Variants in MARK3 observed in about 807,000 individuals in gnomAD.
MARK3 encodes MAP/microtubule affinity-regulating kinase 3.
A neutral mutation model predicts 90.1 loss-of-function variants in MARK3; 46 were observed. The observed-to-expected ratio is 0.51, with a 90% CI of 0.40 to 0.65. MARK3 has a LOEUF of 0.65. MARK3 is among the 30% of genes least tolerant of loss of function. The probability of loss-of-function intolerance (pLI) is 0.00; values close to 1 mark genes in which losing one functional copy is unlikely to be tolerated. For missense variants in MARK3, 818 were observed against 947.2 expected (o/e 0.86, Z 1.79); for synonymous variants, 321 against 332.6 (o/e 0.97, Z 0.38).
At chr14:103,428,314 C>T in intron 2 of MARK3, 73 bp from the exon 3 acceptor site, 1 of 749,606 alleles carries the variant, frequency 1.3e-6, no homozygotes, top group South Asian at 1.9e-5. Context: ...TTCTTAATGC[C>T]ATATATCTTG....
chr14:103,451,801 G>A (rs2093152703), intron 4 of MARK3, 117 bp from the exon 5 acceptor site: 1 of 647,174 alleles, frequency 1.5e-6, no homozygotes, highest in South Asian at 2.2e-5. Context: ...TAGAGGGCCA[G>A]CTATTAAAAT....
chr14:103,484,163 C>CTTTTTTTTTTTTT (rs34512580), intron 14 of MARK3, among the ~76,000 whole-genome samples: 2 of 146,270 alleles, frequency 1.4e-5, no homozygotes, highest in Non-Finnish European at 1.5e-5. Context: ...AGAATCTTTT[C>CTTTTTTTTTTTTT]TTTTTTTTTT....
intron 14 of MARK3, among the ~76,000 whole-genome samples, chr14:103,487,279 C>G (rs2141963211): frequency 6.6e-6 from 1 of 151,500 alleles, no homozygotes; most frequent in East Asian, 2.0e-4. Context: ...TGCCTAAGCT[C>G]AGGAGTTCCA....
Position 103,405,093 on chromosome 14 carries a change from T to C in MARK3, c.69T>C (p.Asp23=), listed in dbSNP as rs941711373. 8 of 1,613,892 alleles carry C rather than the reference T, an allele frequency of 5.0e-6. No individual in the cohort carries two copies. The highest frequency in any genetic ancestry group is 5.9e-6 in the Non-Finnish European group (7 of 1,179,970). Residue 23 remains aspartate (D), a synonymous_variant, in exon 2 of 18, where the codon GAT becomes GAC. Coordinates refer to ENST00000429436, the MANE Select transcript of MARK3 (RefSeq NM_001128918.3). ...RDTENHTSHG[D]GRQEVTSRTS... Reference sequence around the variant, plus strand: ...TATTGCAGCACACGTCACATGGAGATGGGCGTCAAGAAGTTACCTCTCGTA... The same window carrying C: ...TATTGCAGCACACGTCACATGGAGACGGGCGTCAAGAAGTTACCTCTCGTA...
rs2089743968 is a variant in MARK3 at position 103,385,862 on chromosome 14, C to T, written c.-168C>T. The T allele has an allele frequency of 5.6e-6, 3 of 535,264 alleles. No homozygotes were observed. Among genetic ancestry groups the T allele is most frequent in the African/African-American group, 4.0e-5 (2 of 50,622 alleles). The allele number at this position is 535,264 out of a possible 1,614,324, so 33.2% of individuals were successfully genotyped here. On this transcript the variant is annotated 5_prime_UTR_variant, in exon 1 of 18. In the 5' UTR this introduces an upstream ATG that the reference lacks. Coordinates refer to ENST00000429436, the MANE Select transcript of MARK3 (RefSeq NM_001128918.3). ...ATGAGCCCCGGGACCCGCCGGGGGACGGCCCGGGCCAGGCCCGGGATCTAG... is the reference window on the plus strand; with the variant it reads ...ATGAGCCCCGGGACCCGCCGGGGGATGGCCCGGGCCAGGCCCGGGATCTAG...
At chr14:103,387,116 G>C (rs2089870184) in intron 1 of MARK3, among the ~76,000 whole-genome samples, 1 of 152,226 alleles carries the variant, frequency 6.6e-6, no homozygotes, top group Non-Finnish European at 1.5e-5. Flanking sequence ...GGCACGAAAT[G>C]TCTTCTCTTA....
chr14:103,489,166 C>T (rs950619417), intron 14 of MARK3, among the ~76,000 whole-genome samples: 4 of 152,320 alleles, frequency 2.6e-5, no homozygotes, highest in Non-Finnish European at 2.9e-5. Flanking sequence ...ATAGAGATGA[C>T]GACATCTGGT....
intron 15 of MARK3, among the ~76,000 whole-genome samples, chr14:103,496,032 G>C (rs2075318337): frequency 1.3e-5 from 2 of 152,160 alleles, no homozygotes; most frequent in South Asian, 4.1e-4. Context: ...TTGTAGTCGG[G>C]AGCAAAACTC....
rs970052678 is a variant in MARK3 at position 103,430,179 on chromosome 14, C to T, written c.297+1739C>T. ...TTTTTGGTATTATTCAAGTATGAAC[C>T]ATTCACTGAAGACTTATTCTAAAGC... On this transcript the variant is annotated intron_variant, in intron 3 of 17. Coordinates refer to ENST00000429436, the MANE Select transcript of MARK3 (RefSeq NM_001128918.3). Among the ~76,000 whole-genome samples the T allele has an allele frequency of 2.6e-5, 4 of 151,882 alleles. No individual in the cohort carries two copies. The South Asian group carries it at 8.3e-4, about 32-fold the overall frequency.
At chr14:103,396,620 G>A (rs989836583) in intron 1 of MARK3, among the ~76,000 whole-genome samples, 49 of 151,960 alleles carry the variant, frequency 3.2e-4, no homozygotes, top group Admixed American at 1.4e-3. Flanking sequence ...AAAAATTGGC[G>A]GTAAATTTGG....
chr14:103,388,834 A>T (rs1023951546), intron 1 of MARK3, among the ~76,000 whole-genome samples: 1 of 152,118 alleles, frequency 6.6e-6, no homozygotes, highest in Non-Finnish European at 1.5e-5. Flanking sequence ...TTGAATGTGT[A>T]TCAGTATCAG....
intron 1 of MARK3, among the ~76,000 whole-genome samples, chr14:103,389,681 C>A (rs962063466): frequency 1.3e-5 from 2 of 151,842 alleles, no homozygotes; most frequent in African/African-American, 4.8e-5. Context: ...CAGTGGCTCA[C>A]GCCTGTAATC....
intron 3 of MARK3, among the ~76,000 whole-genome samples, chr14:103,428,649 CA>C (rs1489011969): frequency 6.6e-6 from 1 of 152,108 alleles, no homozygotes; most frequent in Non-Finnish European, 1.5e-5. Flanking sequence ...CTTAACAGCA[CA>C]AACTAAAGGC....
At position 103,441,265 on chromosome 14, in the gene MARK3, T is replaced by G. The variant is rs1238919244; in HGVS notation, c.298-7654T>G. Among the ~76,000 whole-genome samples the G allele has an allele frequency of 2.0e-5, 3 of 152,056 alleles. No individual in the cohort carries two copies. The South Asian group carries it at 6.2e-4, about 32-fold the overall frequency. On this transcript the variant is annotated intron_variant, in intron 3 of 17. Transcript: ENST00000429436. ...AGTCTTTTTTTAATATGCTTTGCAC[T>G]TTTTATGTCTTTTTTGTTTTTTTGT...
intron 1 of MARK3, 56 bp downstream of exon 1, chr14:103,386,136 C>G: frequency 6.6e-7 from 1 of 1,514,832 alleles, no homozygotes; most frequent in Admixed American, 1.7e-5. Flanking sequence ...TCGTGCTCCT[C>G]GGGCAGTGCC....
chr14:103,458,259 G>C (rs147836938), intron 6 of MARK3, among the ~76,000 whole-genome samples: 117 of 152,180 alleles, frequency 7.7e-4, no homozygotes, highest in Admixed American at 6.9e-3. Context: ...AGGAGTTCGA[G>C]ACCAGCCTGG....
Position 103,462,448 on chromosome 14 carries a change from A to G in MARK3, c.527A>G (p.His176Arg), listed in dbSNP as rs756740462. Residue 176 changes from histidine to arginine, a missense_variant, in exon 7 of 18, where the codon CAT becomes CGT. Coordinates refer to ENST00000429436, the MANE Select transcript of MARK3 (RefSeq NM_001128918.3). ...VQYCHQKRIV[H>R]RDLKAENLLL... Reference sequence around the variant, plus strand: ...TACTGCCATCAGAAACGGATCGTACATCGAGACCTCAAGGTGAGTAGAAGT... The same window carrying G: ...TACTGCCATCAGAAACGGATCGTACGTCGAGACCTCAAGGTGAGTAGAAGT... 2 of 1,604,256 alleles carry G rather than the reference A, an allele frequency of 1.2e-6. No individual in the cohort carries two copies. The highest frequency in any genetic ancestry group is 1.7e-6 in the Non-Finnish European group (2 of 1,171,898).
intron 3 of MARK3, among the ~76,000 whole-genome samples, chr14:103,431,973 G>T (rs1399741273): frequency 1.3e-5 from 2 of 148,756 alleles, no homozygotes; most frequent in South Asian, 2.2e-4. Flanking sequence ...ACTTGGAATT[G>T]TTTCCCCCCT....
At chr14:103,418,801 T>C (rs920273889) in intron 2 of MARK3, among the ~76,000 whole-genome samples, 4 of 152,224 alleles carry the variant, frequency 2.6e-5, no homozygotes, top group African/African-American at 9.6e-5. Flanking sequence ...TTTTTGTATA[T>C]TTTCCATATA....
Sources: gnomAD v4.1 joint callset for allele counts (sites outside exome capture counted in the v4.1 genomes callset) on GRCh38, gnomAD v4.1.1 for gene constraint, MANE v1.5 for transcripts, NCBI Gene and HGNC (gene_info 2026-07-23, HGNC 2026-07-21) for gene names.